Variants in CSNK1G3 observed in about 807,000 individuals in gnomAD.
CSNK1G3 encodes the protein casein kinase I isoform gamma-3.
In CSNK1G3, 23 loss-of-function variants were observed where a neutral mutation model predicts 64.3. That is an observed-to-expected ratio of 0.36 (90% CI 0.26 to 0.51). CSNK1G3 has a LOEUF of 0.51. Among genes scored for constraint, CSNK1G3 ranks in the 20% least tolerant of loss-of-function variants. CSNK1G3 has a pLI of 0.96. For synonymous variants in CSNK1G3, 158 were observed against 162.2 expected, an observed-to-expected ratio of 0.97 and a Z score of 0.20; for missense variants, 357 against 510.5, an observed-to-expected ratio of 0.70 and a Z score of 2.90.
At chr5:123,528,813 C>T (rs778080982) in intron 1 of CSNK1G3, among the ~76,000 whole-genome samples, 27 of 152,226 alleles carry the variant, frequency 1.8e-4, no homozygotes, top group Non-Finnish European at 2.4e-4. Flanking sequence ...TTCATAGATT[C>T]CATATTTGTA....
rs193236318 is a variant in CSNK1G3, at chr5:123,564,742, T to C, written c.289+7178T>C. On this transcript the variant is annotated intron_variant, in intron 4 of 12. Transcript: ENST00000345990. ...AAAGGACTGTTGCTCTTTTTTACAGTAGAATAACTTGATTCCTTTTATTTG... is the reference window on the plus strand; with the variant it reads ...AAAGGACTGTTGCTCTTTTTTACAGCAGAATAACTTGATTCCTTTTATTTG... Among the ~76,000 whole-genome samples the C allele has an allele frequency of 1.8e-3, 279 of 152,324 alleles. 3 individuals carry two copies. The highest frequency in any genetic ancestry group is 6.5e-3 in the African/African-American group (269 of 41,590).
chr5:123,526,432 A>C (rs1250301075), intron 1 of CSNK1G3, among the ~76,000 whole-genome samples: 2 of 152,052 alleles, frequency 1.3e-5, no homozygotes, highest in Admixed American at 1.3e-4. Context: ...TTGTTAAAGG[A>C]AATATTCTCT....
intron 2 of CSNK1G3, among the ~76,000 whole-genome samples, chr5:123,551,045 T>G (rs1183684849): frequency 6.6e-6 from 1 of 152,214 alleles, no homozygotes; most frequent in Non-Finnish European, 1.5e-5. Context: ...TGTTATATTT[T>G]GATTCTTTGA....
rs369908483 is a variant in CSNK1G3 at position 123,595,153 on chromosome 5, A to C, written c.1086+3739A>C. On this transcript the variant is annotated intron_variant, in intron 10 of 12. Transcript: ENST00000345990. ...GGTACAGGTATTTTCTGATTTTTGC[A>C]TGAGTGATTATTACCCAGATTTATA... 8.7e-6 allele frequency: 14 copies of C among 1,603,992 alleles called. No homozygotes were observed. In the African/African-American group the frequency reaches 1.6e-4, roughly 18 times the overall value.
chr5:123,534,132 G>A (rs1278889194), intron 1 of CSNK1G3, among the ~76,000 whole-genome samples: 1 of 151,962 alleles, frequency 6.6e-6, no homozygotes. Flanking sequence ...GGATCATAAA[G>A]TTACGTATAC....
intron 3 of CSNK1G3, among the ~76,000 whole-genome samples, chr5:123,556,658 G>C (rs2150404055): frequency 6.6e-6 from 1 of 151,478 alleles, no homozygotes; most frequent in South Asian, 2.1e-4. Flanking sequence ...TTTTCTGTTG[G>C]TTCTTTTTAA....
chr5:123,616,136 T>G (rs1749411627), exon 13 of CSNK1G3: 1 of 152,480 alleles, frequency 6.6e-6, no homozygotes, highest in Non-Finnish European at 1.5e-5. Flanking sequence ...TGCTGTATAA[T>G]TTGGTCAACA....
At chr5:123,591,654 G>A (rs532228562) in intron 10 of CSNK1G3, among the ~76,000 whole-genome samples, 7 of 152,088 alleles carry the variant, frequency 4.6e-5, no homozygotes, top group Admixed American at 2.6e-4. Flanking sequence ...TGTTAGAATG[G>A]AAGTATTTGG....
At chr5:123,614,482 T>C (rs1211635173) in exon 13 of CSNK1G3, 11 of 1,161,006 alleles carry the variant, frequency 9.5e-6, no homozygotes, top group Non-Finnish European at 1.1e-5. Flanking sequence ...TGACCACGTA[T>C]ATTTTCAAGG....
chr5:123,588,104 A>G, exon 7 of CSNK1G3: 1 of 1,597,924 alleles, frequency 6.3e-7, no homozygotes, highest in Non-Finnish European at 8.5e-7. Flanking sequence ...GCTTTAGGTC[A>G]TATGTTCATG....
intron 6 of CSNK1G3, among the ~76,000 whole-genome samples, chr5:123,579,534 G>A (rs775243407): frequency 5.3e-5 from 8 of 151,812 alleles, no homozygotes; most frequent in East Asian, 3.8e-4. Context: ...GTTGTTAACA[G>A]ACTATTTTAT....
intron 5 of CSNK1G3, among the ~76,000 whole-genome samples, chr5:123,575,510 A>G (rs1262936428): frequency 6.6e-6 from 1 of 152,148 alleles, no homozygotes; most frequent in African/African-American, 2.4e-5. Flanking sequence ...AAATTCAAAT[A>G]CTCTCGTTTA....
exon 5 of CSNK1G3, chr5:123,573,475 A>G: frequency 6.2e-7 from 1 of 1,613,930 alleles, no homozygotes; most frequent in Non-Finnish European, 8.5e-7. Flanking sequence ...CTAGTTTGGA[A>G]GACTTGTTTG....
chr5:123,516,819 A>T (rs1474397518), intron 1 of CSNK1G3, among the ~76,000 whole-genome samples: 2 of 152,154 alleles, frequency 1.3e-5, no homozygotes, highest in Admixed American at 1.3e-4. Flanking sequence ...TACAAAGTTT[A>T]ATGTTTTTTT....
exon 2 of CSNK1G3, chr5:123,545,675 A>G: frequency 1.2e-6 from 2 of 1,611,562 alleles, no homozygotes; most frequent in Non-Finnish European, 1.7e-6. Context: ...TGGAAAATAA[A>G]AAGAAAGACA....
At chr5:123,615,534 A>G (rs1268925924) in exon 13 of CSNK1G3, 1 of 152,420 alleles carries the variant, frequency 6.6e-6, no homozygotes, top group African/African-American at 2.4e-5. Context: ...ATTGAAAAAT[A>G]TTTTGGAAAG....
chr5:123,566,542 T>C (rs1786916342), intron 4 of CSNK1G3, among the ~76,000 whole-genome samples: 1 of 152,192 alleles, frequency 6.6e-6, no homozygotes, highest in Non-Finnish European at 1.5e-5. Flanking sequence ...TTCTAAAGAA[T>C]CTCTACCTTG....
intron 6 of CSNK1G3, among the ~76,000 whole-genome samples, chr5:123,586,511 T>C (rs1791355724): frequency 6.6e-6 from 1 of 152,190 alleles, no homozygotes; most frequent in African/African-American, 2.4e-5. Context: ...GAAAATTTGC[T>C]ATTTTTAATA....
chr5:123,582,329 A>C (rs1457917362), intron 6 of CSNK1G3, among the ~76,000 whole-genome samples: 2 of 152,174 alleles, frequency 1.3e-5, no homozygotes, highest in African/African-American at 2.4e-5. Flanking sequence ...AGTGGGCTGA[A>C]ATCTTGCCCT....
Sources: gnomAD v4.1 joint callset for allele counts (sites outside exome capture counted in the v4.1 genomes callset) on GRCh38, gnomAD v4.1.1 for gene constraint, MANE v1.5 for transcripts, NCBI Gene and HGNC (gene_info 2026-07-23, HGNC 2026-07-21) for gene names.